STK32B: variants seen among roughly 807,000 people sequenced by gnomAD.
STK32B encodes serine/threonine kinase 32B, also known as serine/threonine-protein kinase 32B.
A neutral mutation model predicts 52.6 loss-of-function variants in STK32B; 43 were observed. The ratio of observed to expected loss-of-function variants is 0.82; its 90% CI spans 0.64 to 1.05. The LOEUF (loss-of-function observed/expected upper bound fraction) is 1.05. STK32B is among the 50% of genes least tolerant of loss of function. The pLI, the probability that STK32B is intolerant of heterozygous loss-of-function variation, is 0.00. For synonymous variants in STK32B, 238 were observed against 204.3 expected (o/e 1.17, Z -1.41); for missense variants, 621 against 534.6 (o/e 1.16, Z -1.59).
chr4:5,444,115 G>A (rs1221620220), intron 6 of STK32B, among the ~76,000 whole-genome samples: 1 of 152,214 alleles, frequency 6.6e-6, no homozygotes, highest in Non-Finnish European at 1.5e-5. Context: ...TCCTTGAGCT[G>A]TGGTGGGCTC....
intron 1 of STK32B, among the ~76,000 whole-genome samples, chr4:5,138,497 T>C (rs1433777567): frequency 6.6e-6 from 1 of 152,204 alleles, no homozygotes; most frequent in Non-Finnish European, 1.5e-5. Flanking sequence ...GGAGTTGTGT[T>C]TGGCACTATG....
intron 4 of STK32B, among the ~76,000 whole-genome samples, chr4:5,346,370 T>C (rs1423887020): frequency 6.6e-6 from 1 of 152,154 alleles, no homozygotes; most frequent in African/African-American, 2.4e-5. Context: ...GTGGCTTAAA[T>C]TGGGCCTTGG....
At chr4:5,422,854 A>G (rs992964185) in intron 6 of STK32B, among the ~76,000 whole-genome samples, 3 of 152,158 alleles carry the variant, frequency 2.0e-5, no homozygotes, top group African/African-American at 7.2e-5. Flanking sequence ...AGTTTCCTGG[A>G]GAAGGTGACA....
At chr4:5,173,724 C>T (rs535584600) in intron 3 of STK32B, among the ~76,000 whole-genome samples, 1 of 152,128 alleles carries the variant, frequency 6.6e-6, no homozygotes, top group East Asian at 1.9e-4. Flanking sequence ...TTACTTCCAA[C>T]TATGTGGTCA....
intron 7 of STK32B, 85 bp downstream of exon 7, chr4:5,446,861 C>T (rs1715499195): frequency 7.2e-7 from 1 of 1,385,532 alleles, no homozygotes; most frequent in Admixed American, 1.8e-5. Context: ...TCGGCAGGGC[C>T]CGCGGTGCAG....
At chr4:5,456,382 GC>G (rs1313990032) in intron 7 of STK32B, among the ~76,000 whole-genome samples, 1 of 152,266 alleles carries the variant, frequency 6.6e-6, no homozygotes, top group Non-Finnish European at 1.5e-5. Flanking sequence ...GGCCAGTTCG[GC>G]CCGGACAGGG....
At chr4:5,183,272 G>A (rs1720493822) in intron 3 of STK32B, among the ~76,000 whole-genome samples, 1 of 152,132 alleles carries the variant, frequency 6.6e-6, no homozygotes, top group South Asian at 2.1e-4. Flanking sequence ...GAGGTCAGGA[G>A]TTCAAGACCA....
chr4:5,448,001 T>C (rs1715625757), intron 7 of STK32B, among the ~76,000 whole-genome samples: 1 of 152,224 alleles, frequency 6.6e-6, no homozygotes, highest in Non-Finnish European at 1.5e-5. Flanking sequence ...TGATGGTGTC[T>C]TATTCACTGT....
intron 4 of STK32B, among the ~76,000 whole-genome samples, chr4:5,350,637 A>G (rs1733764778): frequency 6.6e-6 from 1 of 152,214 alleles, no homozygotes; most frequent in Non-Finnish European, 1.5e-5. Context: ...ACCCTCACAT[A>G]TCAATAATAA....
intron 3 of STK32B, among the ~76,000 whole-genome samples, chr4:5,174,783 G>GA (rs1292816026): frequency 6.6e-6 from 1 of 152,018 alleles, no homozygotes; most frequent in African/African-American, 2.4e-5. Flanking sequence ...ATGTATCTTG[G>GA]AGTTGCTCTT....
At chr4:5,038,802 C>CT in the STK32B span, among the ~76,000 whole-genome samples, 4 of 152,198 alleles carry the variant, frequency 2.6e-5, no homozygotes, top group Non-Finnish European at 5.9e-5. Flanking sequence ...TTCAGAAACT[C>CT]TGTACACTTT....
chr4:5,230,059 C>T (rs931016379), intron 3 of STK32B, among the ~76,000 whole-genome samples: 1 of 151,680 alleles, frequency 6.6e-6, no homozygotes, highest in Non-Finnish European at 1.5e-5. Context: ...ATGGCGTGAT[C>T]TTGGCTCACT....
chr4:5,035,578 C>G, the STK32B span, among the ~76,000 whole-genome samples: 1 of 152,154 alleles, frequency 6.6e-6, no homozygotes. Flanking sequence ...GCACTCTGCT[C>G]TTTGTCAGAG....
At chr4:5,294,916 A>C (rs1226355023) in intron 3 of STK32B, among the ~76,000 whole-genome samples, 1 of 152,152 alleles carries the variant, frequency 6.6e-6, no homozygotes, top group Non-Finnish European at 1.5e-5. Context: ...GGTTTGTCAT[A>C]AATACCTCTC....
In STK32B at chr4:5,469,730, C is replaced by T. The variant is rs1717709389; in HGVS notation, c.1106+1660C>T. Among the ~76,000 whole-genome samples the T allele has an allele frequency of 6.6e-6, 1 of 152,202 alleles. No homozygotes were observed. Among genetic ancestry groups the T allele is most frequent in the Non-Finnish European group, 1.5e-5 (1 of 68,034 alleles). On this transcript the variant is annotated intron_variant, in intron 11 of 11. Transcript: ENST00000282908. The surrounding 1 kb of genome is among the most constrained non-coding windows in gnomAD (Gnocchi z 4.7). ...CAGCAAGCCTCACCTGCTAGAGGAC[C>T]ACATGTTGGGGTCTCCCAGCTCTGG...
At chr4:5,304,600 T>A (rs1469929094) in intron 3 of STK32B, among the ~76,000 whole-genome samples, 1 of 152,100 alleles carries the variant, frequency 6.6e-6, no homozygotes, top group Non-Finnish European at 1.5e-5. Flanking sequence ...TTTAGGGTTT[T>A]CTAGGTATAC....
intron 3 of STK32B, among the ~76,000 whole-genome samples, chr4:5,187,219 C>G (rs16836793): frequency 6.6e-6 from 1 of 151,990 alleles, no homozygotes; most frequent in African/African-American, 2.4e-5. Context: ...CCGCTTCTCC[C>G]GCACCACAAC....
Position 5,460,174 on chromosome 4 carries a change from C to T in STK32B, c.855C>T (p.Asp285=). The T allele has an allele frequency of 6.2e-7, 1 of 1,614,184 alleles. No homozygotes were observed. The highest frequency in any genetic ancestry group is 1.1e-5 in the South Asian group (1 of 91,068). ...HDIQSVPYLA[D]MNWDAVFKKA... ...TACAGAGCGTGCCCTACTTGGCCGA[C>T]ATGAACTGGGACGCGGTGTTCAAGA... The change falls in exon 9 of 12, where the codon GAC becomes GAT. Residue 285 remains aspartate (D), a synonymous_variant. Transcript: ENST00000282908. The surrounding 1 kb of genome is among the most constrained non-coding windows in gnomAD (Gnocchi z 4.8).
At chr4:5,249,490 CCTTCCTT>C (rs1725753551) in intron 3 of STK32B, among the ~76,000 whole-genome samples, 1 of 142,228 alleles carries the variant, frequency 7.0e-6, no homozygotes, top group South Asian at 2.2e-4. Flanking sequence ...TTCCTTCCTT[CCTTCCTT>C]CCTTCCTCCC....
Sources: gnomAD v4.1 joint callset for allele counts (sites outside exome capture counted in the v4.1 genomes callset) on GRCh38, gnomAD v4.1.1 for gene constraint, Gnocchi (gnomAD v3.1) non-coding constraint, MANE v1.5 for transcripts, NCBI Gene and HGNC (gene_info 2026-07-23, HGNC 2026-07-21) for gene names.